AFAP1: variants seen among roughly 807,000 people sequenced by gnomAD.
The protein encoded by AFAP1 is actin filament associated protein 1.
Under a neutral mutation model 93.9 loss-of-function variants are expected in AFAP1, and 75 were observed. The observed-to-expected ratio is 0.80, with a 90% CI of 0.66 to 0.97. AFAP1 has a LOEUF of 0.97. Among genes scored for constraint, AFAP1 ranks in the 50% least tolerant of loss-of-function variants. The pLI is 0.00. For missense variants in AFAP1, 1,201 were observed against 1,050.8 expected (o/e 1.14, Z -1.98); for synonymous variants, 517 against 430.7 (o/e 1.20, Z -2.48).
chr4:7,913,614 T>C (rs996593344), intron 1 of AFAP1, among the ~76,000 whole-genome samples: 3 of 152,156 alleles, frequency 2.0e-5, no homozygotes, highest in Non-Finnish European at 4.4e-5. Context: ...ACTAAAAATG[T>C]GTAAGAGGAA....
At chr4:7,778,305 C>CTA (rs1020182960) in intron 14 of AFAP1, 3 of 229,032 alleles carry the variant, frequency 1.3e-5, no homozygotes, top group African/African-American at 2.3e-5. Context: ...TCATACTGCT[C>CTA]TAGTGCTTGG....
At chr4:7,763,973 G>A (rs1714178677) in intron 17 of AFAP1, among the ~76,000 whole-genome samples, 182 bp from the exon 18 acceptor site, 2 of 152,168 alleles carry the variant, frequency 1.3e-5, no homozygotes, top group Non-Finnish European at 2.9e-5. Flanking sequence ...AGAATGGAGA[G>A]CATGGTCTCC....
intron 4 of AFAP1, among the ~76,000 whole-genome samples, chr4:7,848,477 C>T (rs1207873036): frequency 1.3e-5 from 2 of 152,220 alleles, no homozygotes; most frequent in South Asian, 2.1e-4. Context: ...GGCAGTGGTG[C>T]TGGTATAAGT....
chr4:7,781,157 T>A (rs1716724143), intron 13 of AFAP1, among the ~76,000 whole-genome samples: 1 of 152,194 alleles, frequency 6.6e-6, no homozygotes, highest in Non-Finnish European at 1.5e-5. Flanking sequence ...GAGAGCCAGA[T>A]GTGGGCAAAG....
intron 5 of AFAP1, among the ~76,000 whole-genome samples, chr4:7,839,383 A>G (rs1271650013): frequency 6.6e-6 from 1 of 151,948 alleles, no homozygotes; most frequent in Non-Finnish European, 1.5e-5. Flanking sequence ...ACACACAAAT[A>G]TATATTTAAC....
chr4:7,775,107 C>G (rs536372999), intron 14 of AFAP1: 1 of 574,396 alleles, frequency 1.7e-6, no homozygotes, highest in East Asian at 3.1e-5. Context: ...TGCCACTGTG[C>G]TCCAGCCTGG....
At chr4:7,933,843 C>T (rs112220945) in intron 1 of AFAP1, among the ~76,000 whole-genome samples, 3,756 of 152,302 alleles carry the variant, frequency 0.025, 147 homozygotes, top group African/African-American at 0.084. Context: ...CAGCCCAGCC[C>T]ACATGGTGAT....
intron 6 of AFAP1, among the ~76,000 whole-genome samples, chr4:7,822,619 C>G (rs1264231623): frequency 7.0e-6 from 1 of 143,274 alleles, no homozygotes; most frequent in African/African-American, 2.7e-5. Flanking sequence ...GAGTCTCGCT[C>G]TGTCGCCCAG....
intron 8 of AFAP1, among the ~76,000 whole-genome samples, chr4:7,815,546 G>T (rs577939169): frequency 1.3e-4 from 20 of 152,266 alleles, no homozygotes; most frequent in African/African-American, 4.6e-4. Context: ...TGGGGAAACT[G>T]AGGCTCATCA....
rs553970868 is a variant in AFAP1, at chr4:7,771,066, C to T, written c.2253+1754G>A. Among the ~76,000 whole-genome samples, 123 of 152,374 alleles carry T rather than the reference C, an allele frequency of 8.1e-4. 1 individual carries two copies. Among genetic ancestry groups the T allele is most frequent in the African/African-American group, 2.9e-3 (122 of 41,596 alleles). On this transcript the variant is annotated intron_variant, in intron 16 of 17. Transcript: ENST00000420658. ...CAATTCCCCCTGCACCCCTCCTCCT[C>T]AGCACTGTTTCACTGTTCTCCACAG...
At chr4:7,772,259 C>A (rs1397689982) in intron 16 of AFAP1, 1 of 152,352 alleles carries the variant, frequency 6.6e-6, no homozygotes, top group African/African-American at 2.4e-5. Flanking sequence ...TGACGGCATC[C>A]AACTCACAAG....
At chr4:7,789,980 C>T (rs1717716442) in intron 11 of AFAP1, among the ~76,000 whole-genome samples, 1 of 152,200 alleles carries the variant, frequency 6.6e-6, no homozygotes, top group South Asian at 2.1e-4. Flanking sequence ...AAGTATCCCA[C>T]TTTTCCTGGG....
At chr4:7,861,877 T>C (rs1261933757) in intron 3 of AFAP1, 1 of 152,252 alleles carries the variant, frequency 6.6e-6, no homozygotes, top group Non-Finnish European at 1.5e-5. Flanking sequence ...ATCGTGGGCT[T>C]TAGCCCCAGC....
intron 16 of AFAP1, among the ~76,000 whole-genome samples, chr4:7,771,442 A>G (rs1187736858): frequency 6.6e-6 from 1 of 152,242 alleles, no homozygotes; most frequent in African/African-American, 2.4e-5. Flanking sequence ...TTGAATGAAT[A>G]TATGATTTTA....
At chr4:7,836,485 C>CA (rs1252260826) in intron 6 of AFAP1, among the ~76,000 whole-genome samples, 1 of 152,220 alleles carries the variant, frequency 6.6e-6, no homozygotes, top group Non-Finnish European at 1.5e-5. Context: ...TCGCTCCTAT[C>CA]ACCCAGGCTG....
intron 9 of AFAP1, among the ~76,000 whole-genome samples, chr4:7,802,157 C>G (rs1039658100): frequency 3.9e-5 from 6 of 152,176 alleles, no homozygotes; most frequent in Non-Finnish European, 7.3e-5. Context: ...TTTTCATTGG[C>G]TGAATATGAT....
At chr4:7,838,858 AT>A (rs1267972484) in intron 5 of AFAP1, among the ~76,000 whole-genome samples, 155 bp from the exon 6 acceptor site, 1 of 151,848 alleles carries the variant, frequency 6.6e-6, no homozygotes, top group Non-Finnish European at 1.5e-5. Flanking sequence ...ACACACACAC[AT>A]ACACACAGTG....
At chr4:7,811,067 C>T (rs1227339039) in intron 8 of AFAP1, among the ~76,000 whole-genome samples, 3 of 152,168 alleles carry the variant, frequency 2.0e-5, no homozygotes, top group Non-Finnish European at 2.9e-5. Context: ...GCTGTCTGCC[C>T]GTCTCATCTC....
chr4:7,887,316 G>A (rs977752564), intron 1 of AFAP1, among the ~76,000 whole-genome samples: 49 of 152,176 alleles, frequency 3.2e-4, no homozygotes, highest in African/African-American at 1.2e-3. Flanking sequence ...CTAAGTGTGG[G>A]GTACCCAATA....
Sources: gnomAD v4.1 joint callset for allele counts (sites outside exome capture counted in the v4.1 genomes callset) on GRCh38, gnomAD v4.1.1 for gene constraint, MANE v1.5 for transcripts, NCBI Gene and HGNC (gene_info 2026-07-23, HGNC 2026-07-21) for gene names.